Variants in GPC5 observed in about 807,000 individuals in gnomAD.
GPC5 encodes the protein glypican-5.
A neutral mutation model predicts 53.9 loss-of-function variants in GPC5; 47 were observed. The ratio of observed to expected loss-of-function variants is 0.87; its 90% CI spans 0.69 to 1.11. GPC5 has a LOEUF of 1.11. Ranked by LOEUF, GPC5 falls within the 50% of genes most tolerant of loss-of-function variation. The pLI, the probability that GPC5 is intolerant of heterozygous loss-of-function variation, is 0.00. For missense variants in GPC5, 748 were observed against 713.1 expected (o/e 1.05, Z -0.56); for synonymous variants, 286 against 263.3 (o/e 1.09, Z -0.84).
intron 7 of GPC5, among the ~76,000 whole-genome samples, chr13:92,659,792 G>A (rs913526982): frequency 2.6e-5 from 4 of 152,164 alleles, no homozygotes; most frequent in Admixed American, 2.6e-4. Flanking sequence ...ATCTGGTAGG[G>A]CTGATGTTCC....
At chr13:91,799,978 T>C (rs1189749768) in intron 5 of GPC5, among the ~76,000 whole-genome samples, 1 of 152,144 alleles carries the variant, frequency 6.6e-6, no homozygotes. Context: ...TTTTCATTAG[T>C]ATTAAAATGA....
At chr13:92,656,764 G>A (rs2139176269) in intron 7 of GPC5, among the ~76,000 whole-genome samples, 1 of 152,220 alleles carries the variant, frequency 6.6e-6, no homozygotes, top group Non-Finnish European at 1.5e-5. Context: ...GACCAACCTG[G>A]GCAATATAGT....
chr13:91,973,555 G>T (rs1307011343), intron 6 of GPC5, among the ~76,000 whole-genome samples: 1 of 152,172 alleles, frequency 6.6e-6, no homozygotes, highest in African/African-American at 2.4e-5. Context: ...GCTTTTTAGA[G>T]TTTCCGGTTT....
At chr13:92,476,413 T>A (rs1294029016) in intron 7 of GPC5, among the ~76,000 whole-genome samples, 1 of 150,706 alleles carries the variant, frequency 6.6e-6, no homozygotes, top group Non-Finnish European at 1.5e-5. Flanking sequence ...GGAGAGGATG[T>A]GGAGAAATAG....
chr13:92,798,168 T>G (rs1172682), intron 7 of GPC5, among the ~76,000 whole-genome samples: 4,912 of 151,964 alleles, frequency 0.032, 288 homozygotes, highest in African/African-American at 0.11. Flanking sequence ...CTTGGGAAAC[T>G]GAGCATCATG....
chr13:91,601,781 T>A (rs949113450), intron 2 of GPC5, among the ~76,000 whole-genome samples: 1 of 151,942 alleles, frequency 6.6e-6, no homozygotes, highest in Non-Finnish European at 1.5e-5. Flanking sequence ...TTATGGTGAG[T>A]TGTATAATTA....
Position 91,738,390 on chromosome 13 carries a change from G to A in GPC5, c.1154+9725G>A, listed in dbSNP as rs145966775. 2.8e-4 allele frequency among the ~76,000 whole-genome samples: 43 copies of A among 151,396 alleles called. 3 individuals carry two copies. The highest frequency in any genetic ancestry group is 8.8e-4 in the African/African-American group (36 of 40,760). On this transcript the variant is annotated intron_variant, in intron 4 of 7. Transcript: ENST00000377067. The stretch of plus-strand genomic sequence containing the variant: ...CACATGGTTATGCCTCACCATAACC[G>A]TGGTTGACTTATAACTAATTTAACT...
At chr13:91,683,801 T>G in intron 2 of GPC5, among the ~76,000 whole-genome samples, 1 of 152,116 alleles carries the variant, frequency 6.6e-6, no homozygotes, top group East Asian at 1.9e-4. Flanking sequence ...TATGTGAATA[T>G]TCAGTAAATT....
At chr13:92,058,887 C>T (rs1036249055) in intron 6 of GPC5, among the ~76,000 whole-genome samples, 2 of 152,132 alleles carry the variant, frequency 1.3e-5, no homozygotes, top group African/African-American at 4.8e-5. Context: ...AAGATTGGAG[C>T]AAATGTTAAG....
chr13:91,758,775 A>G (rs1032123063), intron 5 of GPC5, among the ~76,000 whole-genome samples: 5 of 152,106 alleles, frequency 3.3e-5, no homozygotes, highest in Admixed American at 6.6e-5. Flanking sequence ...ACTCCTGTCT[A>G]TTAGCTACTT....
intron 1 of GPC5, among the ~76,000 whole-genome samples, chr13:91,437,207 TG>T (rs1247621718): frequency 6.6e-6 from 1 of 152,210 alleles, no homozygotes; most frequent in Admixed American, 6.5e-5. Flanking sequence ...AATATTGTTA[TG>T]TGTGAATTTG....
At chr13:92,479,813 G>T (rs191927417) in intron 7 of GPC5, among the ~76,000 whole-genome samples, 7 of 152,220 alleles carry the variant, frequency 4.6e-5, no homozygotes, top group African/African-American at 1.7e-4. Context: ...ATTATTTTTC[G>T]GAGAAAATCT....
intron 7 of GPC5, among the ~76,000 whole-genome samples, chr13:92,149,411 A>G (rs989516190): frequency 6.6e-6 from 1 of 152,078 alleles, no homozygotes; most frequent in Non-Finnish European, 1.5e-5. Flanking sequence ...TGATTAATTT[A>G]GAAATAGTAG....
At chr13:91,971,117 A>C (rs1262151065) in intron 6 of GPC5, among the ~76,000 whole-genome samples, 1 of 152,078 alleles carries the variant, frequency 6.6e-6, no homozygotes, top group Non-Finnish European at 1.5e-5. Flanking sequence ...TGGTTGGTAG[A>C]CTATTGATTA....
intron 7 of GPC5, among the ~76,000 whole-genome samples, chr13:92,564,009 G>A (rs765609990): frequency 5.9e-5 from 9 of 151,842 alleles, no homozygotes; most frequent in Non-Finnish European, 1.3e-4. Flanking sequence ...AGAAAAAGAG[G>A]AATTATGATA....
At chr13:91,545,475 AG>A (rs1418545398) in intron 2 of GPC5, among the ~76,000 whole-genome samples, 1 of 152,170 alleles carries the variant, frequency 6.6e-6, no homozygotes, top group African/African-American at 2.4e-5. Flanking sequence ...AAGTTTTTGT[AG>A]GAGGAATTAA....
At chr13:91,775,374 T>C (rs1197977690) in intron 5 of GPC5, among the ~76,000 whole-genome samples, 1 of 152,130 alleles carries the variant, frequency 6.6e-6, no homozygotes, top group African/African-American at 2.4e-5. Flanking sequence ...TTTTCCCCCC[T>C]CTGGGTTTTT....
intron 2 of GPC5, among the ~76,000 whole-genome samples, chr13:91,483,295 C>G (rs995676296): frequency 6.6e-6 from 1 of 152,172 alleles, no homozygotes; most frequent in African/African-American, 2.4e-5. Flanking sequence ...AACCTTTGTT[C>G]TCTAGGCTGA....
At chr13:92,606,398 C>A (rs1203668618) in intron 7 of GPC5, among the ~76,000 whole-genome samples, 2 of 152,230 alleles carry the variant, frequency 1.3e-5, no homozygotes, top group African/African-American at 4.8e-5. Flanking sequence ...TCATCCATGT[C>A]CCTACAAAGG....
Sources: allele counts gnomAD v4.1 joint callset (sites outside exome capture counted in the v4.1 genomes callset), GRCh38; gene constraint gnomAD v4.1.1; transcripts MANE v1.5; gene names NCBI Gene and HGNC (gene_info 2026-07-23, HGNC 2026-07-21).